Variants in BICRAL observed in about 807,000 individuals in gnomAD.
The protein encoded by BICRAL is BRD4-interacting chromatin-remodeling complex-associated protein-like.
A neutral mutation model predicts 91.8 loss-of-function variants in BICRAL; 8 were observed. The observed-to-expected ratio is 0.09, with a 90% CI of 0.05 to 0.16. The LOEUF (loss-of-function observed/expected upper bound fraction) is 0.16, where lower values mean the gene tolerates loss of function less well. Among genes scored for constraint, BICRAL ranks in the 10% least tolerant of loss-of-function variants. The pLI is 1.00. For synonymous variants in BICRAL, 445 were observed against 491.1 expected (o/e 0.91, Z 1.24); for missense variants, 1,038 against 1,310.9 (o/e 0.79, Z 3.21).
chr6:42,789,130 T>G (rs997185143), intron 1 of BICRAL, among the ~76,000 whole-genome samples: 3 of 152,108 alleles, frequency 2.0e-5, no homozygotes, highest in Admixed American at 6.5e-5. Flanking sequence ...TGGCTTAAAG[T>G]GAGTTAATGG....
At chr6:42,845,076 A>G (rs1332408133) in intron 6 of BICRAL, among the ~76,000 whole-genome samples, 4 of 151,912 alleles carry the variant, frequency 2.6e-5, no homozygotes, top group Admixed American at 2.6e-4. Context: ...TGGGCACCAT[A>G]ATTATAACAC....
chr6:42,752,834 C>T (rs1762401051), intron 1 of BICRAL, among the ~76,000 whole-genome samples: 1 of 151,536 alleles, frequency 6.6e-6, no homozygotes, highest in Non-Finnish European at 1.5e-5. Context: ...AACTCCTGAC[C>T]TTAGGTGATC....
intron 6 of BICRAL, among the ~76,000 whole-genome samples, chr6:42,846,553 A>C (rs3846894): frequency 0.49 from 74,381 of 151,838 alleles, 20,211 homozygotes; most frequent in African/African-American, 0.74. Flanking sequence ...CCCTTACCCC[A>C]GCTTCAAATT....
At chr6:42,820,425 C>A (rs1764105480) in intron 2 of BICRAL, among the ~76,000 whole-genome samples, 1 of 152,038 alleles carries the variant, frequency 6.6e-6, no homozygotes, top group South Asian at 2.1e-4. Flanking sequence ...ATTATGATGC[C>A]TGAGAGACAA....
chr6:42,752,346 A>G (rs748776131), intron 1 of BICRAL, among the ~76,000 whole-genome samples: 2 of 152,228 alleles, frequency 1.3e-5, no homozygotes, highest in African/African-American at 2.4e-5. Context: ...CCCAGCACTG[A>G]GCCAGGGAGG....
At chr6:42,830,236 A>T in intron 6 of BICRAL, 64 bp downstream of exon 6, 1 of 1,508,636 alleles carries the variant, frequency 6.6e-7, no homozygotes, top group South Asian at 1.2e-5. Context: ...ATGTGTATTT[A>T]CTAGAATATA....
Position 42,862,530 on chromosome 6 carries a change from G to T in BICRAL, c.2370G>T (p.Glu790Asp), listed in dbSNP as rs1222643261. 1 of 1,608,826 alleles carries T rather than the reference G, an allele frequency of 6.2e-7. No homozygotes were observed. The highest frequency in any genetic ancestry group is 2.2e-5 in the East Asian group (1 of 44,850). ...TTCAGCGAATCAATCCCTCTGCTGAGATGGTGATGATCGATAGGATGTTCA... is the reference window on the plus strand; with the variant it reads ...TTCAGCGAATCAATCCCTCTGCTGATATGGTGATGATCGATAGGATGTTCA... ...EDAMRINPSA[E>D]MVMIDRMFNQ... The change falls in exon 12 of 13, where the codon GAG (glutamate) becomes GAT (aspartate). Residue 790 changes from glutamate to aspartate, a missense_variant. Glu to Asp is a conservative substitution (Grantham distance 45). Around this residue, in one of 5 missense-constraint regions of BICRAL, gnomAD observed 294 missense variants for 292.6 expected, o/e 1.00. Coordinates refer to ENST00000314073, the MANE Select transcript of BICRAL (RefSeq NM_001393499.1).
intron 1 of BICRAL, among the ~76,000 whole-genome samples, chr6:42,764,466 C>T (rs1322565836): frequency 6.6e-6 from 1 of 151,386 alleles, no homozygotes; most frequent in African/African-American, 2.4e-5. Flanking sequence ...GTTGGAGGAT[C>T]ACCTGAGCCT....
chr6:42,855,256 G>A (rs927421948), intron 8 of BICRAL, among the ~76,000 whole-genome samples: 1 of 152,094 alleles, frequency 6.6e-6, no homozygotes, highest in Non-Finnish European at 1.5e-5. Context: ...AAAATATAAC[G>A]ATGGGTCAGT....
At chr6:42,761,706 A>C (rs1762552291) in intron 1 of BICRAL, among the ~76,000 whole-genome samples, 1 of 151,766 alleles carries the variant, frequency 6.6e-6, no homozygotes, top group Non-Finnish European at 1.5e-5. Flanking sequence ...CCAGGAGTTC[A>C]AGACCAGCCT....
At chr6:42,766,168 G>T (rs1272327343) in intron 1 of BICRAL, among the ~76,000 whole-genome samples, 1 of 152,054 alleles carries the variant, frequency 6.6e-6, no homozygotes, top group African/African-American at 2.4e-5. Flanking sequence ...TTCATCAATT[G>T]CTTTAGGAGT....
At chr6:42,747,800 A>T (rs78727652) in intron 1 of BICRAL, among the ~76,000 whole-genome samples, 466 of 112,396 alleles carry the variant, frequency 4.1e-3, no homozygotes, top group Middle Eastern at 4.5e-3. Flanking sequence ...TTTTTGTTTT[A>T]TTTTGTTTTT....
chr6:42,765,433 G>A (rs1487998414), intron 1 of BICRAL, among the ~76,000 whole-genome samples: 1 of 152,180 alleles, frequency 6.6e-6, no homozygotes, highest in African/African-American at 2.4e-5. Flanking sequence ...TACATCCTAG[G>A]AGGCTTGTGG....
chr6:42,853,755 A>G lies in BICRAL; in HGVS notation c.2046+17A>G. ...GCTGTGCAGGTAGAAAACTATTGGC[A>G]TAGCCTCTTCCTAATGTTCGGCATA... On this transcript the variant is annotated intron_variant, in intron 8 of 12. Coordinates refer to ENST00000314073, the MANE Select transcript of BICRAL (RefSeq NM_001393499.1). 6.7e-7 allele frequency: 1 copy of G among 1,486,864 alleles called. No homozygotes were observed. The highest frequency in any genetic ancestry group is 9.4e-7 in the Non-Finnish European group (1 of 1,063,940). The allele number at this position is 1,486,864 out of a possible 1,614,324, so 92.1% of individuals were successfully genotyped here.
intron 2 of BICRAL, among the ~76,000 whole-genome samples, chr6:42,820,065 C>T (rs1340900934): frequency 1.3e-5 from 2 of 152,204 alleles, no homozygotes; most frequent in African/African-American, 4.8e-5. Context: ...GGGGTAGCAG[C>T]TGTTCTCTGT....
chr6:42,809,123 G>T (rs1183050239), intron 1 of BICRAL, among the ~76,000 whole-genome samples: 9 of 98,670 alleles, frequency 9.1e-5, no homozygotes, highest in Non-Finnish European at 1.4e-4. Flanking sequence ...AACAGGCCCC[G>T]GTGTGTGATG....
At chr6:42,840,531 G>A (rs1248433131) in intron 6 of BICRAL, among the ~76,000 whole-genome samples, 2 of 147,740 alleles carry the variant, frequency 1.4e-5, no homozygotes, top group Non-Finnish European at 3.0e-5. Context: ...ATGAGCCACC[G>A]CACCCTGCCT....
chr6:42,792,717 A>C (rs961656442), intron 1 of BICRAL, among the ~76,000 whole-genome samples: 3 of 151,994 alleles, frequency 2.0e-5, no homozygotes, highest in African/African-American at 7.2e-5. Flanking sequence ...ATTTGAGACC[A>C]GCCTGGCCAA....
intron 1 of BICRAL, among the ~76,000 whole-genome samples, chr6:42,756,415 T>C (rs1582798506): frequency 6.6e-6 from 1 of 152,292 alleles, no homozygotes; most frequent in East Asian, 1.9e-4. Context: ...TTTCTTTTCT[T>C]GTTCCTCTCA....
Sources: allele counts gnomAD v4.1 joint callset (sites outside exome capture counted in the v4.1 genomes callset), GRCh38; gene constraint gnomAD v4.1.1; regional missense constraint gnomAD v4.1.1; transcripts MANE v1.5; gene names NCBI Gene and HGNC (gene_info 2026-07-23, HGNC 2026-07-21).